Variants in BCAR3 observed in about 807,000 individuals in gnomAD.
The protein encoded by BCAR3 is breast cancer anti-estrogen resistance protein 3.
Under a neutral mutation model 80.1 loss-of-function variants are expected in BCAR3, and 37 were observed. That is an observed-to-expected ratio of 0.46 (90% CI 0.36 to 0.61). The LOEUF is 0.61. Among genes scored for constraint, BCAR3 ranks in the 20% least tolerant of loss-of-function variants. The probability of loss-of-function intolerance (pLI) is 0.00; values close to 1 mark genes in which losing one functional copy is unlikely to be tolerated. For synonymous variants in BCAR3, 389 were observed against 418.9 expected, an observed-to-expected ratio of 0.93 and a Z score of 0.87; for missense variants, 978 against 1,068.2, an observed-to-expected ratio of 0.92 and a Z score of 1.18.
intron 3 of BCAR3, among the ~76,000 whole-genome samples, chr1:93,611,161 A>G (rs895296403): frequency 6.6e-6 from 1 of 152,202 alleles, no homozygotes; most frequent in Non-Finnish European, 1.5e-5. Flanking sequence ...ACAAGATGTG[A>G]AAGAACTCAT....
intron 9 of BCAR3, among the ~76,000 whole-genome samples, chr1:93,569,695 G>C (rs1673128098): frequency 6.6e-6 from 1 of 152,196 alleles, no homozygotes. Context: ...GTATGCTCTG[G>C]AGGACTGTGT....
At chr1:93,843,641 T>C (rs1289616270) in intron 2 of BCAR3, among the ~76,000 whole-genome samples, 1 of 152,240 alleles carries the variant, frequency 6.6e-6, no homozygotes, top group Non-Finnish European at 1.5e-5. Context: ...TAGGTATGTT[T>C]TATTAGTAGT....
At chr1:93,703,067 T>C (rs1030672261) in intron 3 of BCAR3, among the ~76,000 whole-genome samples, 1 of 152,154 alleles carries the variant, frequency 6.6e-6, no homozygotes, top group African/African-American at 2.4e-5. Flanking sequence ...CTGCTTTACT[T>C]AACTCAAAGA....
At chr1:93,683,628 C>G (rs1280204116), upstream of BCAR3, among the ~76,000 whole-genome samples, 1 of 152,190 alleles carries the variant, frequency 6.6e-6, no homozygotes, top group Non-Finnish European at 1.5e-5. Flanking sequence ...TTACACTCAA[C>G]AAGATGAGTG....
At chr1:93,655,135 G>A (rs375502419) in intron 2 of BCAR3, among the ~76,000 whole-genome samples, 36 of 152,316 alleles carry the variant, frequency 2.4e-4, no homozygotes, top group East Asian at 1.2e-3. Context: ...TGAGGCTGGA[G>A]AGGAGGCAGG....
At position 93,654,004 on chromosome 1, in the gene BCAR3, G is replaced by A. The variant is rs114641314; in HGVS notation, c.318-11661C>T. Among the ~76,000 whole-genome samples the A allele has an allele frequency of 2.1e-3, 312 of 152,126 alleles. 2 individuals are homozygous for A. Among genetic ancestry groups the A allele is most frequent in the African/African-American group, 7.2e-3 (297 of 41,498 alleles). ...TTTGCTCTCTACCCAGAGCCACGAT[G>A]GTCCTTACTCAGGCTGCTCCCACCT... On this transcript the variant is annotated intron_variant, in intron 2 of 11. Transcript: ENST00000260502.
intron 2 of BCAR3, among the ~76,000 whole-genome samples, chr1:93,830,854 A>G (rs1654537775): frequency 6.6e-6 from 1 of 152,012 alleles, no homozygotes; most frequent in Non-Finnish European, 1.5e-5. Flanking sequence ...CTTCAGACCA[A>G]CCAGCCCAAG....
intron 8 of BCAR3, 122 bp downstream of exon 8, chr1:93,575,892 C>T: frequency 1.4e-6 from 1 of 740,360 alleles, no homozygotes; most frequent in Non-Finnish European, 2.2e-6. Flanking sequence ...AGGCCATGCG[C>T]CCTGAAGTAC....
At chr1:93,700,874 C>T (rs1003429069) in intron 3 of BCAR3, among the ~76,000 whole-genome samples, 3 of 152,208 alleles carry the variant, frequency 2.0e-5, no homozygotes, top group Admixed American at 2.0e-4. Flanking sequence ...TGAGCTACTG[C>T]GGAGGGTAGG....
At chr1:93,692,150 C>T (rs762671848) in intron 3 of BCAR3, among the ~76,000 whole-genome samples, 7 of 152,128 alleles carry the variant, frequency 4.6e-5, no homozygotes, top group Non-Finnish European at 8.8e-5. Context: ...AAGTGCTCGC[C>T]GCACAGCTCG....
rs565200575 is a variant in BCAR3 at position 93,673,743 on chromosome 1, C to A, written c.317+871G>T. 2.0e-5 allele frequency among the ~76,000 whole-genome samples: 3 copies of A among 152,358 alleles called. No individual in the cohort carries two copies. The East Asian group carries it at 5.8e-4, about 29-fold the overall frequency. On this transcript the variant is annotated intron_variant, in intron 2 of 11. Coordinates refer to ENST00000260502, the MANE Select transcript of BCAR3 (RefSeq NM_003567.4). ...TGTCACAGAGAGGGAAAAATCAATT[C>A]TTGTCCTAAAGTATTCTGAAGCTGA...
chr1:93,588,838 G>C lies in BCAR3; in HGVS notation c.929+139C>G, dbSNP rs569295546. 13 of 973,938 alleles carry C rather than the reference G, an allele frequency of 1.3e-5. No homozygotes were observed. The East Asian group carries it at 1.9e-4, about 14-fold the overall frequency. 60.3% of individuals were successfully genotyped at this position (973,938 alleles called of 1,614,324 possible). On this transcript the variant is annotated intron_variant, in intron 5 of 11. Transcript: ENST00000260502. ...CTGGGAGCTAATTGTTCACTGCCTCGTGACAGCTATTCTGCGAACAGTCGG... is the reference window on the plus strand; with the variant it reads ...CTGGGAGCTAATTGTTCACTGCCTCCTGACAGCTATTCTGCGAACAGTCGG...
chr1:93,598,235 C>T (rs902531603), intron 3 of BCAR3, among the ~76,000 whole-genome samples: 2 of 152,120 alleles, frequency 1.3e-5, no homozygotes. Context: ...ACAGGAGATT[C>T]GAGTTCTGAA....
At chr1:93,630,389 C>T (rs1675578716) in intron 3 of BCAR3, among the ~76,000 whole-genome samples, 1 of 151,508 alleles carries the variant, frequency 6.6e-6, no homozygotes, top group Non-Finnish European at 1.5e-5. Flanking sequence ...TTTGGGAGGC[C>T]AAGGCAGGCG....
At position 93,586,621 on chromosome 1, in the gene BCAR3, G is replaced by A. The variant is rs61406070; in HGVS notation, c.929+2356C>T. Among the ~76,000 whole-genome samples the A allele has an allele frequency of 1.1e-4, 16 of 152,144 alleles. No individual in the cohort carries two copies. Among genetic ancestry groups the A allele is most frequent in the Non-Finnish European group, 2.1e-4 (14 of 68,010 alleles). Reference sequence around the variant, plus strand: ...AATTTTTAGTTTTCTGAGGAACCTCGAAACTGTTCTCCATAGTGGTTGTAC... The same window carrying A: ...AATTTTTAGTTTTCTGAGGAACCTCAAAACTGTTCTCCATAGTGGTTGTAC... On this transcript the variant is annotated intron_variant, in intron 5 of 11. Transcript: ENST00000260502. This position sits in a 1 kb window ranked among gnomAD's most constrained non-coding sequence, Gnocchi z 4.2.
At chr1:93,623,280 C>G (rs943527728) in intron 3 of BCAR3, among the ~76,000 whole-genome samples, 108 of 149,490 alleles carry the variant, frequency 7.2e-4, no homozygotes, top group African/African-American at 2.6e-3. Flanking sequence ...GAATATACTT[C>G]TGATCCTAAA....
chr1:93,624,123 C>T (rs1675390576), intron 3 of BCAR3, among the ~76,000 whole-genome samples: 1 of 152,178 alleles, frequency 6.6e-6, no homozygotes, highest in South Asian at 2.1e-4. Flanking sequence ...CCACACCCAG[C>T]ACCTCCCAGC....
At chr1:93,839,046 T>C (rs567916132) in intron 2 of BCAR3, among the ~76,000 whole-genome samples, 4 of 152,332 alleles carry the variant, frequency 2.6e-5, no homozygotes, top group Admixed American at 1.3e-4. Flanking sequence ...CTCACGCCTG[T>C]AATCCCAGCA....
At chr1:93,565,594 T>C (rs929557881) in intron 11 of BCAR3, among the ~76,000 whole-genome samples, 2 of 152,254 alleles carry the variant, frequency 1.3e-5, no homozygotes, top group African/African-American at 4.8e-5. Flanking sequence ...AAACCCACCC[T>C]GATGTATTGG....
Sources: gnomAD v4.1 joint callset for allele counts (sites outside exome capture counted in the v4.1 genomes callset) on GRCh38, gnomAD v4.1.1 for gene constraint, Gnocchi (gnomAD v3.1) non-coding constraint, MANE v1.5 for transcripts, NCBI Gene and HGNC (gene_info 2026-07-23, HGNC 2026-07-21) for gene names.